Variants in SLC24A3 observed in about 807,000 individuals in gnomAD.
The protein encoded by SLC24A3 is solute carrier family 24 member 3.
A neutral mutation model predicts 75.8 loss-of-function variants in SLC24A3; 28 were observed. That is an observed-to-expected ratio of 0.37 (90% confidence interval 0.27 to 0.51). The LOEUF (loss-of-function observed/expected upper bound fraction) is 0.51. SLC24A3 is among the 20% of genes least tolerant of loss of function. The pLI, the probability that SLC24A3 is intolerant of heterozygous loss-of-function variation, is 0.94. For synonymous variants in SLC24A3, 372 were observed against 334.1 expected, an observed-to-expected ratio of 1.11 and a Z score of -1.24; for missense variants, 663 against 847.8, an observed-to-expected ratio of 0.78 and a Z score of 2.71.
chr20:19,577,486 A>G (rs2031157298), intron 3 of SLC24A3, among the ~76,000 whole-genome samples: 1 of 152,228 alleles, frequency 6.6e-6, no homozygotes, highest in African/African-American at 2.4e-5. Flanking sequence ...AGTGAAGTAT[A>G]AGACAGAATT....
At chr20:19,556,907 A>T (rs1235556257) in intron 3 of SLC24A3, among the ~76,000 whole-genome samples, 1 of 152,080 alleles carries the variant, frequency 6.6e-6, no homozygotes, top group Non-Finnish European at 1.5e-5. Flanking sequence ...CCATTTTTTT[A>T]AAAAAGTATT....
chr20:19,640,996 T>C (rs146875338), intron 6 of SLC24A3, among the ~76,000 whole-genome samples: 6 of 152,352 alleles, frequency 3.9e-5, no homozygotes, highest in Admixed American at 3.9e-4. Context: ...GGAAAACATA[T>C]TTAAATTTTC....
chr20:19,318,263 T>C (rs1041683747), intron 2 of SLC24A3, among the ~76,000 whole-genome samples: 1 of 152,228 alleles, frequency 6.6e-6, no homozygotes, highest in Non-Finnish European at 1.5e-5. Flanking sequence ...CTTCTTCCTC[T>C]ATCTTCACCT....
At chr20:19,663,800 G>A (rs549914912) in intron 7 of SLC24A3, among the ~76,000 whole-genome samples, 1 of 152,078 alleles carries the variant, frequency 6.6e-6, no homozygotes, top group South Asian at 2.1e-4. Context: ...CCTGTTTGGG[G>A]TCCCTCCTAA....
chr20:19,530,814 C>T (rs952737338), intron 3 of SLC24A3, among the ~76,000 whole-genome samples: 1 of 152,148 alleles, frequency 6.6e-6, no homozygotes, highest in Non-Finnish European at 1.5e-5. Flanking sequence ...CGAGCTTGAG[C>T]ACTGGGGTCT....
chr20:19,427,043 A>G (rs1987019262), intron 2 of SLC24A3, among the ~76,000 whole-genome samples: 3 of 152,136 alleles, frequency 2.0e-5, no homozygotes, highest in Admixed American at 2.0e-4. Context: ...GTATGTGTGT[A>G]TGCCTGTGTG....
At chr20:19,692,994 T>C (rs1188532116) in intron 12 of SLC24A3, among the ~76,000 whole-genome samples, 2 of 152,120 alleles carry the variant, frequency 1.3e-5, no homozygotes, top group Non-Finnish European at 2.9e-5. Context: ...AGCCTGGTAT[T>C]ACTAAGAAGT....
intron 2 of SLC24A3, among the ~76,000 whole-genome samples, chr20:19,391,194 C>T (rs530945672): frequency 1.8e-4 from 28 of 152,344 alleles, no homozygotes; most frequent in African/African-American, 6.5e-4. Context: ...CACTAACACC[C>T]TTGGCTCCTT....
intron 6 of SLC24A3, among the ~76,000 whole-genome samples, chr20:19,618,866 A>G (rs745332700): frequency 5.9e-5 from 9 of 152,180 alleles, no homozygotes; most frequent in Non-Finnish European, 1.3e-4. Flanking sequence ...GGCATGCCCA[A>G]CTTTGTCCTC....
intron 15 of SLC24A3, among the ~76,000 whole-genome samples, chr20:19,711,319 A>G (rs1022267893): frequency 1.7e-4 from 26 of 151,268 alleles, no homozygotes; most frequent in African/African-American, 2.4e-4. Context: ...ATACAAACGC[A>G]CACACATGCA....
intron 1 of SLC24A3, chr20:19,213,453 G>C (rs1439272146): frequency 6.6e-6 from 1 of 152,648 alleles, no homozygotes; most frequent in Non-Finnish European, 1.5e-5. Flanking sequence ...GAGCAGGCGG[G>C]ATGGCCCGAG....
chr20:19,662,510 T>C (rs530055325), intron 7 of SLC24A3, among the ~76,000 whole-genome samples: 1 of 152,370 alleles, frequency 6.6e-6, no homozygotes, highest in East Asian at 1.9e-4. Flanking sequence ...AAAATGGACT[T>C]GAACTGACTT....
At chr20:19,663,234 A>G (rs2092019717) in intron 7 of SLC24A3, among the ~76,000 whole-genome samples, 1 of 151,770 alleles carries the variant, frequency 6.6e-6, no homozygotes, top group African/African-American at 2.4e-5. Flanking sequence ...TGCCAAGCCA[A>G]TTTAGATTTT....
chr20:19,293,067 C>CAT (rs142383947), intron 2 of SLC24A3, among the ~76,000 whole-genome samples: 51,994 of 151,936 alleles, frequency 0.34, 9,255 homozygotes, highest in Middle Eastern at 0.56. Context: ...TTGGGGGGAA[C>CAT]ATAAGCATGA....
Position 19,556,244 on chromosome 20 carries a change from C to T in SLC24A3, c.349-23756C>T, listed in dbSNP as rs576413553. On this transcript the variant is annotated intron_variant, in intron 3 of 16. Coordinates refer to ENST00000328041, the MANE Select transcript of SLC24A3 (RefSeq NM_020689.4). ...TACACATTCAGACCATTAGCACCAC[C>T]GGCATCCAGAGTTGCCTGTTTCTCA... is the stretch of plus-strand genomic sequence containing the variant. Among the ~76,000 whole-genome samples, 26 of 152,218 alleles carry T rather than the reference C, an allele frequency of 1.7e-4. No homozygotes were observed. In the South Asian group the frequency reaches 4.6e-3, roughly 27 times the overall value.
intron 3 of SLC24A3, among the ~76,000 whole-genome samples, chr20:19,574,437 C>T (rs912282112): frequency 6.6e-6 from 1 of 152,182 alleles, no homozygotes; most frequent in South Asian, 2.1e-4. Context: ...ATACAATAAA[C>T]AATTCATTGG....
chr20:19,633,726 C>T (rs1426468627), intron 6 of SLC24A3, among the ~76,000 whole-genome samples: 1 of 151,242 alleles, frequency 6.6e-6, no homozygotes, highest in Non-Finnish European at 1.5e-5. Flanking sequence ...TAAGTTAGTT[C>T]CCTCTTTAAA....
chr20:19,351,391 C>T (rs1420350042), intron 2 of SLC24A3, among the ~76,000 whole-genome samples: 2 of 152,188 alleles, frequency 1.3e-5, no homozygotes, highest in Non-Finnish European at 2.9e-5. Flanking sequence ...CTGCTTTTCT[C>T]TAGGTCTGAA....
chr20:19,609,903 T>C (rs1003838955), intron 6 of SLC24A3, among the ~76,000 whole-genome samples: 14 of 152,350 alleles, frequency 9.2e-5, no homozygotes, highest in African/African-American at 3.1e-4. Context: ...ACTGGAACTT[T>C]GCAGTGTTTG....
Sources: allele counts gnomAD v4.1 joint callset (sites outside exome capture counted in the v4.1 genomes callset), GRCh38; gene constraint gnomAD v4.1.1; transcripts MANE v1.5; gene names NCBI Gene and HGNC (gene_info 2026-07-23, HGNC 2026-07-21).